The following ROCK1 variants were observed in gnomAD, a reference collection of about 807,000 sequenced individuals.
The protein encoded by ROCK1 is Rho associated coiled-coil containing protein kinase 1.
A neutral mutation model predicts 196.8 loss-of-function variants in ROCK1; 36 were observed. That is an observed-to-expected ratio of 0.18 (90% confidence interval 0.14 to 0.24). ROCK1 has a LOEUF of 0.24. Among genes scored for constraint, ROCK1 ranks in the 10% least tolerant of loss-of-function variants. The pLI, the probability that ROCK1 is intolerant of heterozygous loss-of-function variation, is 1.00. For missense variants in ROCK1, 920 were observed against 1,562.0 expected (o/e 0.59, Z 6.93); for synonymous variants, 443 against 515.9 (o/e 0.86, Z 1.91).
chr18:21,051,391 T>C (rs2036202779), intron 2 of ROCK1, among the ~76,000 whole-genome samples: 1 of 152,182 alleles, frequency 6.6e-6, no homozygotes, highest in East Asian at 1.9e-4. Context: ...GACGTGAAGG[T>C]TGCAGTGAGC....
In ROCK1 at chr18:20,991,319, T is replaced by C; in HGVS notation, c.2000A>G (p.Asn667Ser). Reference protein sequence around the residue: ...DMLNHSEKEKNNLEIDLNYKL... With the variant: ...DMLNHSEKEKSNLEIDLNYKL... The stretch of plus-strand genomic sequence containing the variant: ...GTAGTTTAAATCTATCTCTAAATTA[T>C]TCTTTTCCTGTAAAATGGGAGTAGG... Residue 667 changes from asparagine (N) to serine (S), a missense_variant, in exon 18 of 33, where the codon AAT becomes AGT. Physicochemically the swap from Asn to Ser is conservative, Grantham distance 46. Transcript: ENST00000399799. 6.3e-7 allele frequency: 1 copy of C among 1,591,010 alleles called. No homozygotes were observed.
At chr18:20,990,686 T>A (rs1462657732) in intron 18 of ROCK1, among the ~76,000 whole-genome samples, 4 of 105,044 alleles carry the variant, frequency 3.8e-5, no homozygotes, top group Non-Finnish European at 7.1e-5. Flanking sequence ...AGAGCAAAAC[T>A]TCGTCTCAAA....
At chr18:21,008,809 G>A (rs2035790556) in intron 13 of ROCK1, among the ~76,000 whole-genome samples, 1 of 152,140 alleles carries the variant, frequency 6.6e-6, no homozygotes, top group African/African-American at 2.4e-5. Context: ...TACATTCAAA[G>A]AAAGTTGCAA....
intron 29 of ROCK1, among the ~76,000 whole-genome samples, chr18:20,958,499 A>C (rs35371044): frequency 0.073 from 6,170 of 85,000 alleles, no homozygotes; most frequent in East Asian, 0.31. Context: ...AGCAGCAATA[A>C]TTAAGAAAAG....
chr18:20,950,830 C>T lies in ROCK1; in HGVS notation c.*554G>A, dbSNP rs2035179306. 2 of 152,518 alleles carry T rather than the reference C, an allele frequency of 1.3e-5. No homozygotes were observed. Among genetic ancestry groups the T allele is most frequent in the South Asian group, 4.1e-4 (2 of 4,830 alleles). The allele number at this position is 152,518 out of a possible 1,614,324, so 9.4% of individuals were successfully genotyped here. ...CCAACATGGGCAATCAACAGTAAGG[C>T]TTTTAAATTCTACAGTGAGGGCACT... On this transcript the variant is annotated 3_prime_UTR_variant, in exon 33 of 33. Transcript: ENST00000399799.
intron 1 of ROCK1, among the ~76,000 whole-genome samples, chr18:21,090,206 G>A (rs1200805563): frequency 6.6e-6 from 1 of 152,202 alleles, no homozygotes; most frequent in African/African-American, 2.4e-5. Context: ...CATCACATCT[G>A]TAACCCCAAC....
rs546331934 is a variant in ROCK1, at chr18:21,012,662, T to G, written c.1410+2769A>C. Among the ~76,000 whole-genome samples the G allele has an allele frequency of 1.3e-4, 20 of 152,350 alleles. No homozygotes were observed. In the South Asian group the frequency reaches 3.1e-3, roughly 24 times the overall value. ...GTTTGCTAAGCTTCTTGGTAGTTCA[T>G]GTCTTTTGTCAGTTCAGGTCTTTTG... On this transcript the variant is annotated intron_variant, in intron 13 of 32. Coordinates refer to ENST00000399799, the MANE Select transcript of ROCK1 (RefSeq NM_005406.3).
chr18:20,969,277 T>TA, intron 23 of ROCK1, 69 bp from the exon 24 acceptor site: 2 of 868,052 alleles, frequency 2.3e-6, no homozygotes, highest in Non-Finnish European at 3.8e-6. Context: ...CAGTAACCTT[T>TA]AAATATACTG....
intron 1 of ROCK1, among the ~76,000 whole-genome samples, chr18:21,088,798 C>CT (rs2036547359): frequency 6.6e-6 from 1 of 152,122 alleles, no homozygotes; most frequent in African/African-American, 2.4e-5. Flanking sequence ...TGAGGACATA[C>CT]TGACCCCTCC....
At chr18:21,094,844 C>T (rs1474121561) in intron 1 of ROCK1, among the ~76,000 whole-genome samples, 2 of 151,244 alleles carry the variant, frequency 1.3e-5, no homozygotes, top group East Asian at 2.0e-4. Flanking sequence ...GTCTGGAGTT[C>T]GAGACCAGCC....
chr18:21,028,512 T>C (rs1225285527), intron 10 of ROCK1, among the ~76,000 whole-genome samples: 8 of 152,182 alleles, frequency 5.3e-5, no homozygotes, highest in Admixed American at 5.2e-4. Context: ...TCAGTATTTA[T>C]GGCATTTTTT....
intron 1 of ROCK1, among the ~76,000 whole-genome samples, chr18:21,090,612 T>C (rs1039728623): frequency 3.3e-5 from 5 of 152,238 alleles, no homozygotes; most frequent in Admixed American, 3.3e-4. Flanking sequence ...ATCCCCCGGA[T>C]AGGTACAGTT....
chr18:21,000,969 G>A (rs939851981), intron 16 of ROCK1, among the ~76,000 whole-genome samples: 5 of 152,172 alleles, frequency 3.3e-5, no homozygotes, highest in Non-Finnish European at 7.3e-5. Flanking sequence ...AAATGTTGAA[G>A]GAGTGCTATT....
At chr18:21,107,761 A>G (rs970238691) in intron 1 of ROCK1, among the ~76,000 whole-genome samples, 18 of 152,222 alleles carry the variant, frequency 1.2e-4, no homozygotes, top group Non-Finnish European at 2.4e-4. Flanking sequence ...TCTAAAGGAA[A>G]TTCAGTCTTG....
intron 16 of ROCK1, 124 bp downstream of exon 16, chr18:21,006,226 AT>A (rs2035767492): frequency 5.5e-6 from 4 of 721,170 alleles, no homozygotes; most frequent in Non-Finnish European, 8.9e-6. Context: ...TTCCACTTAT[AT>A]GATGATGGTT....
chr18:20,951,524 A>G (rs1237556530), intron 32 of ROCK1, 137 bp from the exon 33 acceptor site: 14 of 546,592 alleles, frequency 2.6e-5, no homozygotes, highest in Non-Finnish European at 4.4e-5. Context: ...TTTGGAAAAC[A>G]AGGAATAGGA....
intron 1 of ROCK1, among the ~76,000 whole-genome samples, chr18:21,079,434 A>G (rs2036464085): frequency 6.6e-6 from 1 of 152,234 alleles, no homozygotes; most frequent in Admixed American, 6.5e-5. Flanking sequence ...GAAAATTTCT[A>G]TATACCTATC....
At chr18:21,020,102 A>C (rs774096961) in intron 12 of ROCK1, 49 bp downstream of exon 12, 1 of 1,096,908 alleles carries the variant, frequency 9.1e-7, no homozygotes, top group South Asian at 1.3e-5. Context: ...TCAAGTAAGT[A>C]TTTGGTATAT....
intron 29 of ROCK1, among the ~76,000 whole-genome samples, chr18:20,959,472 A>G (rs1396443856): frequency 6.6e-6 from 1 of 151,330 alleles, no homozygotes; most frequent in African/African-American, 2.4e-5. Flanking sequence ...TCGACCTCCC[A>G]AAGTGCTGGG....
Sources: gnomAD v4.1 joint callset for allele counts (sites outside exome capture counted in the v4.1 genomes callset) on GRCh38, gnomAD v4.1.1 for gene constraint, MANE v1.5 for transcripts, NCBI Gene and HGNC (gene_info 2026-07-23, HGNC 2026-07-21) for gene names.